The following SLC47A1 variants were observed in gnomAD, a reference collection of about 807,000 sequenced individuals.
The protein encoded by SLC47A1 is multidrug and toxin extrusion protein 1.
Under a neutral mutation model 65.8 loss-of-function variants are expected in SLC47A1, and 58 were observed. That is an observed-to-expected ratio of 0.88 (90% CI 0.71 to 1.10). SLC47A1 has a LOEUF of 1.10. SLC47A1 is among the 50% of genes least tolerant of loss of function. SLC47A1 has a pLI of 0.00. For missense variants in SLC47A1, 706 were observed against 719.2 expected (o/e 0.98, Z 0.21); for synonymous variants, 285 against 295.0 (o/e 0.97, Z 0.35).
chr17:19,556,559 AT>A (rs35618722), intron 10 of SLC47A1, among the ~76,000 whole-genome samples: 12 of 141,020 alleles, frequency 8.5e-5, no homozygotes, highest in Admixed American at 7.3e-5. Context: ...TCTTAAAGGG[AT>A]TTTTTTTTTT....
intron 7 of SLC47A1, 129 bp from the exon 8 acceptor site, chr17:19,555,464 G>C (rs2440149): frequency 0.67 from 838,198 of 1,259,792 alleles, 282,101 homozygotes; most frequent in East Asian, 0.92. Flanking sequence ...GGAGGGTGAG[G>C]CTGCTCTGGG....
At chr17:19,545,890 C>G (rs1312748817) in intron 2 of SLC47A1, among the ~76,000 whole-genome samples, 1 of 152,218 alleles carries the variant, frequency 6.6e-6, no homozygotes, top group East Asian at 1.9e-4. Flanking sequence ...ACATGACTTT[C>G]AGTTATAAGG....
chr17:19,548,188 C>T, intron 4 of SLC47A1, 55 bp downstream of exon 4: 1 of 1,577,696 alleles, frequency 6.3e-7, no homozygotes, highest in Non-Finnish European at 8.6e-7. Flanking sequence ...GAAAGATTAT[C>T]CTGTCTGGGT....
chr17:19,550,189 A>G (rs1260663064), intron 5 of SLC47A1, among the ~76,000 whole-genome samples: 1 of 152,070 alleles, frequency 6.6e-6, no homozygotes, highest in African/African-American at 2.4e-5. Flanking sequence ...TGGGATCGTC[A>G]TAGCTCACTG....
In SLC47A1 at chr17:19,533,954, G is replaced by T; in HGVS notation, c.15G>T (p.Glu5Asp). The change falls in exon 1 of 17, where the codon GAG (glutamate) becomes GAT (aspartate). Residue 5 changes from glutamate (E) to aspartate (D), a missense_variant. Glu to Asp is a conservative substitution (Grantham distance 45, BLOSUM62 2). Transcript: ENST00000270570. ...GCGCGAGTCACATGGAAGCTCCTGA[G>T]GAGCCCGCGCCAGTGCGCGGAGGCC... Reference protein sequence around the residue: MEAPEEPAPVRGGPE... With the variant: MEAPDEPAPVRGGPE... 6.5e-7 allele frequency: 1 copy of T among 1,530,068 alleles called. No individual in the cohort carries two copies. Among genetic ancestry groups the T allele is most frequent in the Non-Finnish European group, 8.8e-7 (1 of 1,142,380 alleles). The allele number at this position is 1,530,068 out of a possible 1,614,324, so 94.8% of individuals were successfully genotyped here. A position where few individuals can be genotyped will look rare whatever the true frequency, so the allele number is the denominator to read the frequency against.
chr17:19,542,437 C>A lies in SLC47A1; in HGVS notation c.180C>A (p.Ser60=), dbSNP rs747199363. 1.2e-6 allele frequency: 2 copies of A among 1,612,084 alleles called. No individual in the cohort carries two copies. The highest frequency in any genetic ancestry group is 4.5e-5 in the East Asian group (2 of 44,726). ...LMVFLISFIS[S]VFCGHLGKLE... ...TGTTCCTGATCAGCTTCATAAGCTCCGTGTTCTGTGGCCACCTGGGCAAGC... is the reference window on the plus strand; with the variant it reads ...TGTTCCTGATCAGCTTCATAAGCTCAGTGTTCTGTGGCCACCTGGGCAAGC... Residue 60 remains serine, a synonymous_variant, in exon 2 of 17, where the codon TCC becomes TCA. Coordinates refer to ENST00000270570, the MANE Select transcript of SLC47A1 (RefSeq NM_018242.3).
intron 5 of SLC47A1, 112 bp from the exon 6 acceptor site, chr17:19,551,312 G>A (rs1295634525): frequency 2.1e-6 from 2 of 944,646 alleles, no homozygotes; most frequent in African/African-American, 3.2e-5. Flanking sequence ...GCTCCGTGCG[G>A]GAGCAGAGGG....
Position 19,555,778 on chromosome 17 carries a change from TG to T in SLC47A1, c.740-17del, listed in dbSNP as rs762800853. Reference sequence around the variant, plus strand: ...CCGATGGCCAGATCTCCTGGAAATGTGTGTGTCCCCCCCACAGGCTGGTCCC... The same window carrying T: ...CCGATGGCCAGATCTCCTGGAAATGTTGTGTCCCCCCCACAGGCTGGTCCC... On this transcript the variant is annotated splice_polypyrimidine_tract_variant and intron_variant, in intron 8 of 16. Coordinates refer to ENST00000270570, the MANE Select transcript of SLC47A1 (RefSeq NM_018242.3). 5.0e-6 allele frequency: 8 copies of T among 1,613,384 alleles called. No individual in the cohort carries two copies. The East Asian group carries it at 1.8e-4, about 36-fold the overall frequency.
At chr17:19,551,124 C>T (rs1038258333) in intron 5 of SLC47A1, among the ~76,000 whole-genome samples, 2 of 152,184 alleles carry the variant, frequency 1.3e-5, no homozygotes. Flanking sequence ...TGCCTGGGGC[C>T]TCCTTTCCAT....
intron 2 of SLC47A1, 94 bp downstream of exon 2, chr17:19,542,588 C>T: frequency 1.0e-6 from 1 of 1,000,960 alleles, no homozygotes; most frequent in Middle Eastern, 2.3e-4. Context: ...TGGCTGAAAC[C>T]TACACAGACT....
chr17:19,556,098 CG>C (rs752236407), intron 10 of SLC47A1, 36 bp downstream of exon 10: 1 of 1,609,036 alleles, frequency 6.2e-7, no homozygotes, highest in Admixed American at 1.7e-5. Flanking sequence ...AGGTGCCAGG[CG>C]TTTTCCTTGC....
intron 6 of SLC47A1, among the ~76,000 whole-genome samples, chr17:19,554,097 TGA>T (rs1916534553): frequency 6.6e-6 from 1 of 151,980 alleles, no homozygotes; most frequent in African/African-American, 2.4e-5. Context: ...CCTGTCGCAG[TGA>T]GAGAGACTAG....
chr17:19,563,156 G>A (rs1436841003), intron 12 of SLC47A1, among the ~76,000 whole-genome samples: 1 of 109,126 alleles, frequency 9.2e-6, no homozygotes, highest in African/African-American at 3.3e-5. Flanking sequence ...TTTTTTTGAC[G>A]GAGCCTCCCT....
At chr17:19,573,052 C>A (rs2084412556) in intron 16 of SLC47A1, among the ~76,000 whole-genome samples, 191 bp downstream of exon 16, 1 of 152,194 alleles carries the variant, frequency 6.6e-6, no homozygotes, top group African/African-American at 2.4e-5. Context: ...CATTAGTAAA[C>A]CGCTATAGAT....
intron 2 of SLC47A1, 69 bp from the exon 3 acceptor site, chr17:19,546,366 A>G: frequency 6.7e-7 from 1 of 1,494,226 alleles, no homozygotes; most frequent in African/African-American, 1.4e-5. Context: ...TCTTATCAAT[A>G]CACACAGGGA....
intron 12 of SLC47A1, among the ~76,000 whole-genome samples, chr17:19,565,693 G>A (rs1342637188): frequency 2.1e-5 from 3 of 145,930 alleles, no homozygotes; most frequent in African/African-American, 7.7e-5. Flanking sequence ...CCATTCTCCT[G>A]TCTCAGCCTC....
intron 1 of SLC47A1, 129 bp downstream of exon 1, chr17:19,534,203 A>C: frequency 8.0e-7 from 1 of 1,246,972 alleles, no homozygotes; most frequent in East Asian, 3.1e-5. Context: ...TCCGGGGAGC[A>C]TCGTGCCAGG....
chr17:19,534,049 C>A lies in SLC47A1; in HGVS notation c.110C>A (p.Ala37Glu). ...TCCGCCTTCCGAGAAGAGCTGCGGG[C>A]GCTCTTGGTCCTGGCTGGCCCCGCG... ...RLSAFREELR[A>E]LLVLAGPAFL... is the part of the protein sequence containing the mutation. Residue 37 changes from alanine to glutamate, a missense_variant, in exon 1 of 17, where the codon GCG (alanine) becomes GAG (glutamate). Ala to Glu is a moderately radical substitution (Grantham distance 107). Transcript: ENST00000270570. 6.5e-7 allele frequency: 1 copy of A among 1,546,978 alleles called. No homozygotes were observed. The highest frequency in any genetic ancestry group is 8.7e-7 in the Non-Finnish European group (1 of 1,147,180).
intron 12 of SLC47A1, among the ~76,000 whole-genome samples, chr17:19,565,168 A>T (rs1404257310): frequency 6.6e-6 from 1 of 152,200 alleles, no homozygotes. Context: ...ATCTCCCTTC[A>T]CATGCAGAGG....
Sources: allele counts gnomAD v4.1 joint callset (sites outside exome capture counted in the v4.1 genomes callset), GRCh38; gene constraint gnomAD v4.1.1; transcripts MANE v1.5; gene names NCBI Gene and HGNC (gene_info 2026-07-23, HGNC 2026-07-21).